The following CCDC73 variants were observed in gnomAD, a reference collection of about 807,000 sequenced individuals.
CCDC73 encodes coiled-coil domain-containing protein 73.
Under a neutral mutation model 116.5 loss-of-function variants are expected in CCDC73, and 95 were observed. The observed-to-expected ratio is 0.82, with a 90% CI of 0.69 to 0.97. CCDC73 has a LOEUF of 0.97. Ranked by LOEUF, CCDC73 falls within the 50% of genes least tolerant of loss-of-function variation. The pLI is 0.00. For missense variants in CCDC73, 1,066 were observed against 1,206.8 expected, an observed-to-expected ratio of 0.88 and a Z score of 1.73; for synonymous variants, 398 against 401.3, an observed-to-expected ratio of 0.99 and a Z score of 0.10.
chr11:32,731,591 C>A lies in CCDC73; in HGVS notation c.136-13444G>T, dbSNP rs181769787. 2.6e-3 allele frequency among the ~76,000 whole-genome samples: 397 copies of A among 152,296 alleles called. 4 individuals are homozygous for A. In the East Asian group the frequency reaches 0.027, roughly 10 times the overall value. On this transcript the variant is annotated intron_variant, in intron 2 of 17. Coordinates refer to ENST00000335185, the MANE Select transcript of CCDC73 (RefSeq NM_001008391.4). Reference sequence around the variant, plus strand: ...TTCCAGAGGAACAATCAGGCAGCAACATTTGCTATTCTGCAATATTTGCAG... The same window carrying A: ...TTCCAGAGGAACAATCAGGCAGCAAAATTTGCTATTCTGCAATATTTGCAG...
At chr11:32,825,134 T>C in the CCDC73 span, among the ~76,000 whole-genome samples, 1 of 152,054 alleles carries the variant, frequency 6.6e-6, no homozygotes, top group Non-Finnish European at 1.5e-5. Flanking sequence ...CATTCAAGAG[T>C]GTCAAGCCAG....
chr11:32,768,689 A>G (rs1276009113), intron 1 of CCDC73, among the ~76,000 whole-genome samples: 1 of 152,166 alleles, frequency 6.6e-6, no homozygotes, highest in African/African-American at 2.4e-5. Context: ...ATTCTGGAAG[A>G]ATACACTTAG....
chr11:32,763,969 C>T (rs1009707946), intron 1 of CCDC73, among the ~76,000 whole-genome samples: 1 of 152,172 alleles, frequency 6.6e-6, no homozygotes, highest in Non-Finnish European at 1.5e-5. Context: ...GACGAATGCA[C>T]AAGCTTCAGC....
the CCDC73 span, among the ~76,000 whole-genome samples, chr11:32,814,707 T>A: frequency 6.6e-6 from 1 of 152,116 alleles, no homozygotes; most frequent in Non-Finnish European, 1.5e-5. Flanking sequence ...AAACTATACA[T>A]CCACATAAAA....
At chr11:32,760,368 G>T in intron 1 of CCDC73, 110 bp from the exon 2 acceptor site, 1 of 623,276 alleles carries the variant, frequency 1.6e-6, no homozygotes, top group Non-Finnish European at 2.7e-6. Flanking sequence ...TCCAATTTCA[G>T]CACTGAATAA....
chr11:32,681,380 TCA>T (rs949158172), intron 7 of CCDC73: 1 of 152,030 alleles, frequency 6.6e-6, no homozygotes, highest in African/African-American at 2.4e-5. Flanking sequence ...GATTTCTCTC[TCA>T]CATGTTTTTA....
intron 9 of CCDC73, among the ~76,000 whole-genome samples, chr11:32,660,025 C>T (rs1267327998): frequency 2.0e-5 from 3 of 151,866 alleles, no homozygotes; most frequent in Non-Finnish European, 2.9e-5. Context: ...GGCTTGGAGA[C>T]GGAATGAGGT....
At chr11:32,680,091 C>T (rs1856129835) in intron 7 of CCDC73, 1 of 152,134 alleles carries the variant, frequency 6.6e-6, no homozygotes, top group Admixed American at 6.5e-5. Flanking sequence ...CCTATATGAA[C>T]GTAGTTTACT....
intron 14 of CCDC73, among the ~76,000 whole-genome samples, chr11:32,623,748 A>G (rs1440573731): frequency 6.6e-6 from 1 of 152,112 alleles, no homozygotes; most frequent in Non-Finnish European, 1.5e-5. Flanking sequence ...TACAAAGAAG[A>G]CTTTACTTAG....
At chr11:32,819,720 C>G in the CCDC73 span, among the ~76,000 whole-genome samples, 1 of 152,144 alleles carries the variant, frequency 6.6e-6, no homozygotes, top group Non-Finnish European at 1.5e-5. Flanking sequence ...CTCAGCCTCC[C>G]AAAGTGCTGG....
At chr11:32,628,022 T>C (rs1278119605) in intron 14 of CCDC73, among the ~76,000 whole-genome samples, 1 of 152,164 alleles carries the variant, frequency 6.6e-6, no homozygotes, top group Non-Finnish European at 1.5e-5. Context: ...TCTTTAAAAA[T>C]AGTATACTTC....
chr11:32,642,185 C>A, intron 12 of CCDC73, 103 bp from the exon 13 acceptor site: 1 of 1,227,706 alleles, frequency 8.1e-7, no homozygotes, highest in Non-Finnish European at 1.0e-6. Flanking sequence ...CTGAAAGTGC[C>A]ATACAGATCA....
chr11:32,780,040 G>A (rs770446486), intron 1 of CCDC73, among the ~76,000 whole-genome samples: 3 of 152,246 alleles, frequency 2.0e-5, no homozygotes, highest in East Asian at 1.9e-4. Context: ...TTGGGAGGCC[G>A]AGGCAGGCAG....
chr11:32,621,445 G>A (rs1855522317), intron 14 of CCDC73, among the ~76,000 whole-genome samples: 1 of 152,156 alleles, frequency 6.6e-6, no homozygotes, highest in African/African-American at 2.4e-5. Flanking sequence ...TTTAATAAAT[G>A]GTGCTGGGAA....
chr11:32,668,829 A>C (rs900121394), intron 9 of CCDC73, among the ~76,000 whole-genome samples: 1 of 152,200 alleles, frequency 6.6e-6, no homozygotes, highest in African/African-American at 2.4e-5. Flanking sequence ...TGAGTGGTAA[A>C]CATTATGTTA....
chr11:32,645,957 G>C (rs544361847), intron 12 of CCDC73, among the ~76,000 whole-genome samples: 1 of 152,274 alleles, frequency 6.6e-6, no homozygotes, highest in East Asian at 1.9e-4. Flanking sequence ...GTGTATAATA[G>C]ATGCTTAGTA....
intron 2 of CCDC73, among the ~76,000 whole-genome samples, chr11:32,733,223 C>A (rs929129705): frequency 2.6e-5 from 4 of 152,166 alleles, no homozygotes; most frequent in African/African-American, 7.2e-5. Context: ...AGCTAACTAT[C>A]CTAAATATAT....
intron 1 of CCDC73, among the ~76,000 whole-genome samples, chr11:32,776,105 C>T (rs116475100): frequency 2.4e-4 from 37 of 152,172 alleles, no homozygotes; most frequent in African/African-American, 7.2e-4. Context: ...TCACTTTCTC[C>T]TTCATCCCCT....
intron 2 of CCDC73, chr11:32,758,465 G>C (rs1469427054): frequency 2.2e-6 from 1 of 461,606 alleles, no homozygotes; most frequent in Non-Finnish European, 4.3e-6. Context: ...TTCTTATGAG[G>C]TTATCTTGAA....
Sources: allele counts gnomAD v4.1 joint callset (sites outside exome capture counted in the v4.1 genomes callset), GRCh38; gene constraint gnomAD v4.1.1; transcripts MANE v1.5; gene names NCBI Gene and HGNC (gene_info 2026-07-23, HGNC 2026-07-21).